TANC2: variants seen among roughly 807,000 people sequenced by gnomAD.
TANC2 encodes protein TANC2.
Under a neutral mutation model 210.5 loss-of-function variants are expected in TANC2, and 26 were observed. The observed-to-expected ratio is 0.12, with a 90% CI of 0.09 to 0.17. TANC2 has a LOEUF of 0.17. Ranked by LOEUF, TANC2 falls within the 10% of genes least tolerant of loss-of-function variation. The pLI, the probability that TANC2 is intolerant of heterozygous loss-of-function variation, is 1.00. For synonymous variants in TANC2, 931 were observed against 967.1 expected, an observed-to-expected ratio of 0.96 and a Z score of 0.69; for missense variants, 2,129 against 2,608.9, an observed-to-expected ratio of 0.82 and a Z score of 4.01.
chr17:63,257,923 G>A (rs9905707), intron 8 of TANC2, among the ~76,000 whole-genome samples: 4,877 of 152,158 alleles, frequency 0.032, 90 homozygotes, highest in African/African-American at 0.046. Context: ...AATTACAGTG[G>A]TCTGTGAACT....
At chr17:62,995,284 T>G (rs1477982572) in intron 1 of TANC2, among the ~76,000 whole-genome samples, 1 of 152,120 alleles carries the variant, frequency 6.6e-6, no homozygotes, top group Non-Finnish European at 1.5e-5. Flanking sequence ...TGGTTTGGAG[T>G]GGACGAACAA....
chr17:62,982,632 A>G (rs1036451532), intron 1 of TANC2, among the ~76,000 whole-genome samples: 2 of 152,166 alleles, frequency 1.3e-5, no homozygotes, highest in Non-Finnish European at 2.9e-5. Context: ...TTCTCCCTTT[A>G]GTACCCTGAC....
chr17:63,074,183 G>T (rs368753357), intron 3 of TANC2, among the ~76,000 whole-genome samples, 169 bp downstream of exon 3: 2 of 151,952 alleles, frequency 1.3e-5, no homozygotes, highest in East Asian at 3.9e-4. Flanking sequence ...ATTTATTCAA[G>T]ATATATGAAA....
chr17:63,113,993 C>T (rs2038154699), intron 4 of TANC2, among the ~76,000 whole-genome samples: 1 of 152,124 alleles, frequency 6.6e-6, no homozygotes, highest in Non-Finnish European at 1.5e-5. Context: ...ATTATGTATA[C>T]ATCTATATCA....
chr17:63,229,555 GT>G lies in TANC2; in HGVS notation c.770-8243del, dbSNP rs34411520. ...CAGCTATAAATCCGTCTGGTCCTGG[GT>G]TTTTTTTTTTTTTTTGGTTGGTAGG... On this transcript the variant is annotated intron_variant, in intron 7 of 27. Coordinates refer to ENST00000689528, the Ensembl canonical transcript of TANC2. Among the ~76,000 whole-genome samples, 215 of 140,340 alleles carry G rather than the reference GT, an allele frequency of 1.5e-3. 1 individual carries two copies. Among genetic ancestry groups the G allele is most frequent in the East Asian group, 7.4e-3 (34 of 4,612 alleles). The allele number at this position is 140,340 out of a possible 152,430, so 92.1% of individuals were successfully genotyped here.
intron 5 of TANC2, among the ~76,000 whole-genome samples, chr17:63,171,084 T>TC (rs2040389785): frequency 2.1e-5 from 1 of 47,952 alleles, no homozygotes; most frequent in Admixed American, 1.9e-4. Context: ...TTTCTTTCTT[T>TC]TTTTTTTTTT....
chr17:63,398,801 G>T lies in TANC2; in HGVS notation c.3238-20G>T. 2 of 1,551,114 alleles carry T rather than the reference G, an allele frequency of 1.3e-6. No homozygotes were observed. Among genetic ancestry groups the T allele is most frequent in the South Asian group, 2.4e-5 (2 of 83,508 alleles). On this transcript the variant is annotated intron_variant, in intron 18 of 27. Coordinates refer to ENST00000689528, the Ensembl canonical transcript of TANC2. The stretch of plus-strand genomic sequence containing the variant: ...TAGTTTTCCACCTGAAGTTTGAGCT[G>T]ACACAACTTCTTGTTTCAGATTGTC...
chr17:63,009,513 A>G lies in TANC2; in HGVS notation c.-23-24A>G, dbSNP rs200667606. 1.0e-3 allele frequency: 1,565 copies of G among 1,563,180 alleles called. 2 individuals carry two copies. The highest frequency in any genetic ancestry group is 2.4e-3 in the Middle Eastern group (14 of 5,916). ...ATGAAAATAAAGTTTTCTTAAACAC[A>G]TTTTCCTATATTTTCTTTTACAGTT... On this transcript the variant is annotated intron_variant, in intron 1 of 27. Transcript: ENST00000689528.
chr17:63,300,436 A>G (rs1370661052), intron 9 of TANC2, among the ~76,000 whole-genome samples: 1 of 149,732 alleles, frequency 6.7e-6, no homozygotes, highest in Middle Eastern at 3.5e-3. Flanking sequence ...TTTTCCATTC[A>G]TGTCCTTTCT....
rs1445881786 is a variant in TANC2, at chr17:63,186,348, C to CT, written c.434-7642dup. 2.4e-3 allele frequency among the ~76,000 whole-genome samples: 327 copies of CT among 135,408 alleles called. 2 individuals are homozygous for CT. Among genetic ancestry groups the CT allele is most frequent in the African/African-American group, 9.7e-3 (312 of 32,160 alleles). The allele number at this position is 135,408 out of a possible 152,430, so 88.8% of individuals were successfully genotyped here. A position where few individuals can be genotyped will look rare whatever the true frequency, so the allele number is the denominator to read the frequency against. ...TTAAGCAGTATGCCCTTCTCTCTCT[C>CT]TCTTTTTTTTTTTTTTTTTTTGAGA... On this transcript the variant is annotated intron_variant, in intron 5 of 27. Coordinates refer to ENST00000689528, the Ensembl canonical transcript of TANC2.
chr17:63,332,245 T>C, intron 11 of TANC2: 1 of 336,970 alleles, frequency 3.0e-6, no homozygotes, highest in Non-Finnish European at 5.8e-6. Flanking sequence ...TGGTACAGTC[T>C]CCTTTTTTGG....
At chr17:63,229,407 G>T (rs1370900308) in intron 7 of TANC2, among the ~76,000 whole-genome samples, 1 of 152,134 alleles carries the variant, frequency 6.6e-6, no homozygotes, top group African/African-American at 2.4e-5. Flanking sequence ...TCCCTGCCAG[G>T]TTGTGGTATC....
chr17:63,425,134 C>G (rs955460342), exon 28 of TANC2: 1 of 152,124 alleles, frequency 6.6e-6, no homozygotes, highest in Non-Finnish European at 1.5e-5. Context: ...GGGTTGCAGA[C>G]GTGCACTATT....
At chr17:63,400,860 C>T (rs1359855728) in intron 19 of TANC2, among the ~76,000 whole-genome samples, 1 of 151,382 alleles carries the variant, frequency 6.6e-6, no homozygotes, top group Non-Finnish European at 1.5e-5. Context: ...ACCATGTTGG[C>T]CAGGCTGGTC....
chr17:63,401,261 A>G (rs1465175582), intron 19 of TANC2, among the ~76,000 whole-genome samples: 1 of 152,192 alleles, frequency 6.6e-6, no homozygotes, highest in Non-Finnish European at 1.5e-5. Context: ...CATATCTGCA[A>G]CCAGGACCTA....
intron 8 of TANC2, among the ~76,000 whole-genome samples, chr17:63,238,542 C>T (rs558393670): frequency 1.6e-4 from 25 of 152,112 alleles, no homozygotes; most frequent in Non-Finnish European, 2.8e-4. Context: ...TCAGCTTTTC[C>T]TCATCCCGTG....
intron 5 of TANC2, among the ~76,000 whole-genome samples, chr17:63,180,060 G>T (rs1357728952): frequency 6.6e-6 from 1 of 151,798 alleles, no homozygotes; most frequent in Non-Finnish European, 1.5e-5. Context: ...AGGATTGCTT[G>T]GGCCCACCTG....
chr17:63,068,339 A>G (rs937246707), intron 2 of TANC2, among the ~76,000 whole-genome samples: 2 of 152,204 alleles, frequency 1.3e-5, no homozygotes, highest in African/African-American at 2.4e-5. Flanking sequence ...AAATGGGAAC[A>G]TTAACTTTTT....
chr17:63,005,896 T>TGTGTGTG (rs377374431), intron 1 of TANC2, among the ~76,000 whole-genome samples: 3 of 132,780 alleles, frequency 2.3e-5, no homozygotes, highest in African/African-American at 8.4e-5. Flanking sequence ...GCTGTATAGT[T>TGTGTGTG]TGTGTGTGTG....
Sources: allele counts gnomAD v4.1 joint callset (sites outside exome capture counted in the v4.1 genomes callset), GRCh38; gene constraint gnomAD v4.1.1; transcripts MANE v1.5; gene names NCBI Gene and HGNC (gene_info 2026-07-23, HGNC 2026-07-21).